The following ZNF385B variants were observed in gnomAD, a reference collection of about 807,000 sequenced individuals.
The protein encoded by ZNF385B is zinc finger protein 533.
In ZNF385B, 23 loss-of-function variants were observed where a neutral mutation model predicts 39.2. The ratio of observed to expected loss-of-function variants is 0.59; its 90% CI spans 0.42 to 0.83. The LOEUF (loss-of-function observed/expected upper bound fraction) is 0.83, where lower values mean the gene tolerates loss of function less well. Ranked by LOEUF, ZNF385B falls within the 40% of genes least tolerant of loss-of-function variation. ZNF385B has a pLI of 0.00. For missense variants in ZNF385B, 552 were observed against 598.9 expected, an observed-to-expected ratio of 0.92 and a Z score of 0.82; for synonymous variants, 205 against 222.6, an observed-to-expected ratio of 0.92 and a Z score of 0.70.
chr2:179,460,047 T>G (rs937140238), intron 6 of ZNF385B, among the ~76,000 whole-genome samples: 3 of 151,902 alleles, frequency 2.0e-5, no homozygotes, highest in African/African-American at 7.3e-5. Context: ...GAGGTTGCGG[T>G]GAGCCGAGAT....
chr2:179,651,502 C>T (rs10178119), intron 3 of ZNF385B, among the ~76,000 whole-genome samples: 5,076 of 151,952 alleles, frequency 0.033, 269 homozygotes, highest in African/African-American at 0.12. Flanking sequence ...AAACACACCA[C>T]GCATAATATT....
At chr2:179,656,537 A>C (rs3112936) in intron 3 of ZNF385B, among the ~76,000 whole-genome samples, 2,256 of 152,306 alleles carry the variant, frequency 0.015, 61 homozygotes, top group African/African-American at 0.05. Flanking sequence ...ACTGGTGTCA[A>C]ATATAAGTAC....
At chr2:179,445,494 TAC>T in intron 8 of ZNF385B, 54 bp downstream of exon 8, 2 of 1,527,650 alleles carry the variant, frequency 1.3e-6, no homozygotes, top group Admixed American at 2.0e-5. Context: ...GATGAGAAGA[TAC>T]ACAGTCAAGT....
chr2:179,841,303 T>C (rs990559341), intron 1 of ZNF385B, among the ~76,000 whole-genome samples: 1 of 151,974 alleles, frequency 6.6e-6, no homozygotes, highest in Non-Finnish European at 1.5e-5. Flanking sequence ...TGACATTAAG[T>C]GGAGAGTTTT....
intron 3 of ZNF385B, among the ~76,000 whole-genome samples, chr2:179,742,822 G>C (rs987814700): frequency 7.2e-5 from 11 of 151,936 alleles, no homozygotes; most frequent in Non-Finnish European, 2.9e-5. Flanking sequence ...GTTTGTATCT[G>C]CTATTTTTTG....
chr2:179,544,947 G>A lies in ZNF385B; in HGVS notation c.321C>T (p.Thr107=), dbSNP rs915808607. Reference sequence around the variant, plus strand: ...TAGGTGTGCGCACAAGAGCAGGAAGGGTAGTAGTGTGGCATGTACTGCCTG... The same window carrying A: ...TAGGTGTGCGCACAAGAGCAGGAAGAGTAGTAGTGTGGCATGTACTGCCTG... ...SSTGSTCHTT[T]LPALVRTPTL... is the part of the protein sequence containing the mutation. Residue 107 remains threonine, a synonymous_variant, in exon 4 of 10, where the codon ACC becomes ACT. Coordinates refer to ENST00000410066, the MANE Select transcript of ZNF385B (RefSeq NM_152520.6). The A allele has an allele frequency of 1.9e-6, 3 of 1,613,768 alleles. No individual in the cohort carries two copies. The highest frequency in any genetic ancestry group is 1.3e-5 in the African/African-American group (1 of 74,910).
intron 2 of ZNF385B, among the ~76,000 whole-genome samples, chr2:179,770,218 C>A (rs1216014880): frequency 6.6e-6 from 1 of 152,170 alleles, no homozygotes; most frequent in Non-Finnish European, 1.5e-5. Flanking sequence ...GTATGCATTT[C>A]TTAGGCAATT....
intron 3 of ZNF385B, among the ~76,000 whole-genome samples, chr2:179,718,541 T>G (rs1049723751): frequency 9.4e-5 from 14 of 148,424 alleles, no homozygotes; most frequent in African/African-American, 2.7e-4. Flanking sequence ...GAGAGAGAGA[T>G]ATATATATTT....
chr2:179,670,275 G>C (rs761604161), intron 3 of ZNF385B, among the ~76,000 whole-genome samples: 4 of 139,404 alleles, frequency 2.9e-5, no homozygotes, highest in African/African-American at 8.2e-5. Flanking sequence ...CTGGGCCACA[G>C]AGCGAGACTC....
At chr2:179,810,893 T>G (rs1706691345) in intron 1 of ZNF385B, among the ~76,000 whole-genome samples, 1 of 152,010 alleles carries the variant, frequency 6.6e-6, no homozygotes, top group Non-Finnish European at 1.5e-5. Flanking sequence ...AGATATGATT[T>G]TATACCTAGA....
chr2:179,832,918 C>G (rs1035864723), intron 1 of ZNF385B, among the ~76,000 whole-genome samples: 1 of 152,098 alleles, frequency 6.6e-6, no homozygotes, highest in Non-Finnish European at 1.5e-5. Context: ...AATTCCTCTG[C>G]TTTGGGGTGA....
At chr2:179,803,411 C>G (rs1706155884) in intron 1 of ZNF385B, among the ~76,000 whole-genome samples, 1 of 152,050 alleles carries the variant, frequency 6.6e-6, no homozygotes, top group Admixed American at 6.6e-5. Flanking sequence ...TAGTGCATGA[C>G]TATATATGCC....
At chr2:179,529,687 T>C (rs765340041) in intron 4 of ZNF385B, among the ~76,000 whole-genome samples, 4 of 152,016 alleles carry the variant, frequency 2.6e-5, no homozygotes, top group Non-Finnish European at 4.4e-5. Flanking sequence ...ATAAGTGCTA[T>C]CAATATGTTT....
intron 5 of ZNF385B, among the ~76,000 whole-genome samples, chr2:179,510,262 T>C (rs886543132): frequency 6.7e-6 from 1 of 148,752 alleles, no homozygotes; most frequent in African/African-American, 2.5e-5. Flanking sequence ...TATGTGAATA[T>C]GCTATCTATC....
At chr2:179,562,648 C>T (rs759711057) in intron 3 of ZNF385B, 154 of 932,848 alleles carry the variant, frequency 1.7e-4, no homozygotes, top group Non-Finnish European at 1.9e-4. Flanking sequence ...TCTGATGACA[C>T]AGAACCAAAT....
chr2:179,817,944 T>A (rs1397645214), intron 1 of ZNF385B, among the ~76,000 whole-genome samples: 1 of 152,198 alleles, frequency 6.6e-6, no homozygotes, highest in Admixed American at 6.5e-5. Context: ...TGTAGGTGTG[T>A]CAGCCTGAGC....
At chr2:179,792,648 T>C (rs1310355311) in intron 1 of ZNF385B, among the ~76,000 whole-genome samples, 1 of 122,846 alleles carries the variant, frequency 8.1e-6, no homozygotes, top group Non-Finnish European at 1.8e-5. Flanking sequence ...GTGCTGGGAT[T>C]ACAGGCGTGA....
At chr2:179,667,366 G>A (rs979160376) in intron 3 of ZNF385B, among the ~76,000 whole-genome samples, 9 of 152,096 alleles carry the variant, frequency 5.9e-5, no homozygotes, top group African/African-American at 2.2e-4. Context: ...TACTATGCAT[G>A]TGCTGCAACT....
chr2:179,491,006 A>G (rs760871005), intron 5 of ZNF385B, among the ~76,000 whole-genome samples: 22 of 152,188 alleles, frequency 1.4e-4, no homozygotes, highest in African/African-American at 2.2e-4. Context: ...TATATATACC[A>G]AGGTAAAGTT....
Sources: gnomAD v4.1 joint callset for allele counts (sites outside exome capture counted in the v4.1 genomes callset) on GRCh38, gnomAD v4.1.1 for gene constraint, MANE v1.5 for transcripts, NCBI Gene and HGNC (gene_info 2026-07-23, HGNC 2026-07-21) for gene names.